The following CUL1 variants were observed in gnomAD, a reference collection of about 807,000 sequenced individuals.
The protein encoded by CUL1 is cullin 1.
Under a neutral mutation model 118.0 loss-of-function variants are expected in CUL1, and 24 were observed. That is an observed-to-expected ratio of 0.20 (90% confidence interval 0.15 to 0.29). The LOEUF (loss-of-function observed/expected upper bound fraction) is 0.29, where lower values mean the gene tolerates loss of function less well. CUL1 is among the 10% of genes least tolerant of loss of function. CUL1 has a pLI of 1.00. For missense variants in CUL1, 361 were observed against 933.8 expected (o/e 0.39, Z 7.99); for synonymous variants, 332 against 340.4 (o/e 0.98, Z 0.27).
At chr7:148,793,102 G>T (rs1375142341) in intron 17 of CUL1, among the ~76,000 whole-genome samples, 4 of 152,198 alleles carry the variant, frequency 2.6e-5, no homozygotes, top group African/African-American at 9.7e-5. Context: ...CGAGGCTGCA[G>T]TGAGCTATGA....
chr7:148,778,759 T>G (rs1800511038), intron 9 of CUL1, among the ~76,000 whole-genome samples: 1 of 152,200 alleles, frequency 6.6e-6, no homozygotes, highest in South Asian at 2.1e-4. Context: ...CTTTAGCCCC[T>G]GGCTGGATGA....
intron 1 of CUL1, among the ~76,000 whole-genome samples, chr7:148,700,527 A>G (rs1797690276): frequency 6.6e-6 from 1 of 152,238 alleles, no homozygotes; most frequent in African/African-American, 2.4e-5. Flanking sequence ...CTTTGTTTAA[A>G]GAAGGTTTGT....
At chr7:148,725,402 C>T (rs754167332) in intron 1 of CUL1, among the ~76,000 whole-genome samples, 4 of 152,230 alleles carry the variant, frequency 2.6e-5, no homozygotes, top group Non-Finnish European at 5.9e-5. Context: ...GCAGAGCTGC[C>T]TGGACCGGGC....
chr7:148,752,591 A>G (rs1017093840), intron 2 of CUL1, among the ~76,000 whole-genome samples: 1 of 152,120 alleles, frequency 6.6e-6, no homozygotes, highest in Non-Finnish European at 1.5e-5. Flanking sequence ...ATTGCTTTAA[A>G]TTACCTTAAT....
At chr7:148,740,976 T>C (rs1229514051) in intron 2 of CUL1, among the ~76,000 whole-genome samples, 1 of 152,266 alleles carries the variant, frequency 6.6e-6, no homozygotes, top group Non-Finnish European at 1.5e-5. Context: ...TTGTCTGGTA[T>C]TTTGTTATGG....
intron 1 of CUL1, among the ~76,000 whole-genome samples, chr7:148,723,443 A>G (rs1798457977): frequency 6.6e-6 from 1 of 152,142 alleles, no homozygotes; most frequent in Admixed American, 6.5e-5. Flanking sequence ...CCTCCTGTAG[A>G]GCTGTTCCTC....
At chr7:148,786,407 G>T (rs1044446044) in intron 11 of CUL1, 144 bp from the exon 12 acceptor site, 2 of 625,364 alleles carry the variant, frequency 3.2e-6, no homozygotes, top group Non-Finnish European at 5.7e-6. Context: ...TTTGCTGTAG[G>T]TAAGGAAAGT....
chr7:148,711,693 G>C (rs922474087), intron 1 of CUL1, among the ~76,000 whole-genome samples: 2 of 151,852 alleles, frequency 1.3e-5, no homozygotes, highest in Non-Finnish European at 2.9e-5. Context: ...ATAATAGAAA[G>C]GGGTGTCTTA....
Position 148,790,417 on chromosome 7 carries a change from C to T in CUL1, c.1782C>T (p.Cys594=). ...CTAAAGGAGAATTGGTAACTAACTGCTTCAAAAACAGATATACTTTGCAGG... is the reference window on the plus strand; with the variant it reads ...CTAAAGGAGAATTGGTAACTAACTGTTTCAAAAACAGATATACTTTGCAGG... The part of the protein sequence containing the change: ...QLSKGELVTN[C]FKNRYTLQAS... Residue 594 remains cysteine, a synonymous_variant, in exon 16 of 22, where the codon TGC becomes TGT. Transcript: ENST00000325222. 1.9e-6 allele frequency: 3 copies of T among 1,613,814 alleles called. No individual in the cohort carries two copies. Among genetic ancestry groups the T allele is most frequent in the Non-Finnish European group, 2.5e-6 (3 of 1,179,758 alleles).
intron 17 of CUL1, among the ~76,000 whole-genome samples, chr7:148,797,486 C>T (rs73745383): frequency 0.024 from 3,584 of 151,676 alleles, 134 homozygotes; most frequent in African/African-American, 0.083. Context: ...TGCAGTATTC[C>T]GAAATCCAAA....
At chr7:148,769,521 TTC>T (rs1215031592) in intron 9 of CUL1, among the ~76,000 whole-genome samples, 1 of 151,712 alleles carries the variant, frequency 6.6e-6, no homozygotes, top group African/African-American at 2.4e-5. Context: ...ATAAGGTGCC[TTC>T]CCAGTTGTTG....
At position 148,759,655 on chromosome 7, in the gene CUL1, T is replaced by C. The variant is rs184348425; in HGVS notation, c.625+17T>C. 1.4e-4 allele frequency: 202 copies of C among 1,484,360 alleles called. 1 individual carries two copies. In the African/African-American group the frequency reaches 2.6e-3, roughly 19 times the overall value. The allele number at this position is 1,484,360 out of a possible 1,614,324, so 91.9% of individuals were successfully genotyped here. ...AGTCTTACGGTAAATAATTTCCCTT[T>C]AGTTTATTCAAAGTTTTCACATCAA... On this transcript the variant is annotated intron_variant, in intron 6 of 21. Coordinates refer to ENST00000325222, the MANE Select transcript of CUL1 (RefSeq NM_003592.3).
chr7:148,766,122 T>C (rs1477420426), intron 7 of CUL1, among the ~76,000 whole-genome samples: 1 of 152,172 alleles, frequency 6.6e-6, no homozygotes, highest in Non-Finnish European at 1.5e-5. Flanking sequence ...ATCAAAGAAC[T>C]TTTTCCTTTT....
intron 15 of CUL1, 85 bp downstream of exon 15, chr7:148,789,911 G>A: frequency 2.4e-6 from 3 of 1,234,638 alleles, no homozygotes; most frequent in Admixed American, 1.7e-5. Flanking sequence ...GGACAGGCCT[G>A]CAGATGGCCT....
chr7:148,766,285 C>T (rs1224013218), intron 7 of CUL1, among the ~76,000 whole-genome samples: 2 of 152,070 alleles, frequency 1.3e-5, no homozygotes, highest in Non-Finnish European at 2.9e-5. Context: ...CAGGCGCGTG[C>T]CACACCTGGC....
At position 148,800,465 on chromosome 7, in the gene CUL1, C is replaced by T; in HGVS notation, c.2251-37C>T. On this transcript the variant is annotated intron_variant, in intron 21 of 21. Coordinates refer to ENST00000325222, the MANE Select transcript of CUL1 (RefSeq NM_003592.3). This position sits in a 1 kb window ranked among gnomAD's most constrained non-coding sequence, Gnocchi z 4.6. ...TGATGATAATTTGTGTTTTTCTTCT[C>T]TTTCACTACCTCTTCCTTTTTAAAA... is the stretch of plus-strand genomic sequence containing the variant. The T allele has an allele frequency of 1.3e-6, 2 of 1,547,254 alleles. No individual in the cohort carries two copies. The highest frequency in any genetic ancestry group is 1.8e-6 in the Non-Finnish European group (2 of 1,120,248).
intron 2 of CUL1, among the ~76,000 whole-genome samples, chr7:148,749,013 A>T (rs1343590578): frequency 6.6e-6 from 1 of 152,220 alleles, no homozygotes; most frequent in South Asian, 2.1e-4. Flanking sequence ...GGTTTTTCCT[A>T]TACTTTCCAT....
intron 9 of CUL1, among the ~76,000 whole-genome samples, chr7:148,782,988 C>G (rs945188774): frequency 1.3e-5 from 2 of 152,102 alleles, no homozygotes; most frequent in African/African-American, 4.8e-5. Context: ...ACAGTTTCTA[C>G]GTCTGTAGAA....
Position 148,741,449 on chromosome 7 carries a change from TTAC to T in CUL1, c.140+11189_140+11191del, listed in dbSNP as rs2129459940. ...TGTATTTATTTATTTAGTTATTTAC[TTAC>T]TTATTTTGAGACAGAGTCTTGCTGT... is the stretch of plus-strand genomic sequence containing the variant. On this transcript the variant is annotated intron_variant, in intron 2 of 21. Transcript: ENST00000325222. Among the ~76,000 whole-genome samples the T allele has an allele frequency of 2.3e-5, 2 of 86,902 alleles. 1 individual carries two copies. Among genetic ancestry groups the T allele is most frequent in the South Asian group, 1.1e-3 (2 of 1,818 alleles). 57.0% of individuals were successfully genotyped at this position (86,902 alleles called of 152,430 possible).
Sources: allele counts gnomAD v4.1 joint callset (sites outside exome capture counted in the v4.1 genomes callset), GRCh38; gene constraint gnomAD v4.1.1; non-coding constraint Gnocchi (gnomAD v3.1); transcripts MANE v1.5; gene names NCBI Gene and HGNC (gene_info 2026-07-23, HGNC 2026-07-21).